Variants in DLG2 observed in about 807,000 individuals in gnomAD.
DLG2 encodes the protein disks large homolog 2.
A neutral mutation model predicts 132.5 loss-of-function variants in DLG2; 45 were observed. The ratio of observed to expected loss-of-function variants is 0.34; its 90% CI spans 0.27 to 0.44. The LOEUF (loss-of-function observed/expected upper bound fraction) is 0.44, where lower values mean the gene tolerates loss of function less well. Among genes scored for constraint, DLG2 ranks in the 20% least tolerant of loss-of-function variants. The probability of loss-of-function intolerance (pLI) is 1.00; values close to 1 mark genes in which losing one functional copy is unlikely to be tolerated. For synonymous variants in DLG2, 424 were observed against 419.6 expected (o/e 1.01, Z -0.13); for missense variants, 1,045 against 1,196.9 (o/e 0.87, Z 1.87).
At chr11:84,029,423 G>A (rs945987985) in intron 11 of DLG2, among the ~76,000 whole-genome samples, 5 of 151,622 alleles carry the variant, frequency 3.3e-5, no homozygotes, top group Admixed American at 6.6e-5. Context: ...TTGCAGAAAT[G>A]AGAAAAAAAA....
chr11:83,994,301 G>T lies in DLG2; in HGVS notation c.920-13659C>A, dbSNP rs753096778. ...TTGTAGGAATATCTCATTCCCCCAC[G>T]TTGGATAGTTACCACTTTGAAGGTG... On this transcript the variant is annotated intron_variant, in intron 11 of 27. Transcript: ENST00000376104. 1.6e-4 allele frequency among the ~76,000 whole-genome samples: 25 copies of T among 152,136 alleles called. 1 individual carries two copies. The highest frequency in any genetic ancestry group is 5.9e-5 in the Non-Finnish European group (4 of 68,024).
chr11:84,975,121 G>T (rs1389633636), intron 6 of DLG2, among the ~76,000 whole-genome samples: 20 of 152,110 alleles, frequency 1.3e-4, no homozygotes, highest in Admixed American at 1.1e-3. Flanking sequence ...AAGGAGGAGG[G>T]GTGGGGATGA....
chr11:84,700,951 C>T (rs889218153), intron 6 of DLG2, among the ~76,000 whole-genome samples: 4 of 151,480 alleles, frequency 2.6e-5, no homozygotes, highest in African/African-American at 7.3e-5. Context: ...ACATATGTAC[C>T]GGTCCTTGAT....
intron 2 of DLG2, among the ~76,000 whole-genome samples, chr11:85,602,521 G>A (rs1390960570): frequency 1.3e-5 from 2 of 152,026 alleles, no homozygotes; most frequent in Non-Finnish European, 1.5e-5. Flanking sequence ...AGCCTCCCAG[G>A]CTCAAGTGAT....
intron 3 of DLG2, among the ~76,000 whole-genome samples, chr11:85,347,876 A>C (rs1176035901): frequency 1.5e-5 from 2 of 129,508 alleles, no homozygotes; most frequent in African/African-American, 3.1e-5. Context: ...CAATCTCGGC[A>C]CATTGCAGCC....
chr11:83,466,718 C>G lies in DLG2; in HGVS notation c.2719G>C (p.Glu907Gln). Residue 907 changes from glutamate (E) to glutamine (Q), a missense_variant, in exon 26 of 28, where the codon GAA becomes CAA. Glu to Gln is a conservative substitution (Grantham distance 29). Coordinates refer to ENST00000376104, the MANE Select transcript of DLG2 (RefSeq NM_001142699.3). ...IAIFIKPRSL[E>Q]PLMEMNKRLT... ...ATGCCCTCTACTCACATAAGAGGTT[C>G]CAGAGACCTGGGTTTTATGAAGATG... 1.2e-6 allele frequency: 2 copies of G among 1,608,658 alleles called. No homozygotes were observed. The highest frequency in any genetic ancestry group is 1.7e-6 in the Non-Finnish European group (2 of 1,175,120).
At chr11:85,588,181 G>A (rs1317842828) in intron 3 of DLG2, among the ~76,000 whole-genome samples, 2 of 152,122 alleles carry the variant, frequency 1.3e-5, no homozygotes, top group African/African-American at 2.4e-5. Flanking sequence ...ATGTGACTGG[G>A]TAATGATCTT....
intron 16 of DLG2, among the ~76,000 whole-genome samples, chr11:83,846,505 T>G (rs1279136474): frequency 6.6e-6 from 1 of 152,208 alleles, no homozygotes; most frequent in African/African-American, 2.4e-5. Context: ...TTAATAATTC[T>G]AAAGGTCTCT....
chr11:84,040,542 A>G (rs1280214093), intron 11 of DLG2, among the ~76,000 whole-genome samples: 1 of 151,874 alleles, frequency 6.6e-6, no homozygotes, highest in Non-Finnish European at 1.5e-5. Context: ...GATATGCGGC[A>G]TTATTTCTGA....
intron 18 of DLG2, among the ~76,000 whole-genome samples, chr11:83,717,256 C>T (rs2086930560): frequency 6.6e-6 from 1 of 152,202 alleles, no homozygotes; most frequent in Admixed American, 6.5e-5. Context: ...AAAAGCAACA[C>T]TCTGCAAGTT....
chr11:84,283,592 G>A (rs1053086603), intron 7 of DLG2, among the ~76,000 whole-genome samples: 2 of 152,170 alleles, frequency 1.3e-5, no homozygotes, highest in African/African-American at 4.8e-5. Flanking sequence ...TAAGGTAATT[G>A]TAGATTCACC....
intron 18 of DLG2, among the ~76,000 whole-genome samples, chr11:83,743,736 G>A (rs1201634210): frequency 1.3e-5 from 2 of 151,976 alleles, no homozygotes; most frequent in Non-Finnish European, 2.9e-5. Context: ...TCCTAGCCAT[G>A]GACAGGCTAC....
intron 4 of DLG2, among the ~76,000 whole-genome samples, chr11:85,241,975 AC>A (rs1220096127): frequency 6.6e-6 from 1 of 151,968 alleles, no homozygotes; most frequent in Non-Finnish European, 1.5e-5. Flanking sequence ...CCTAACTCAA[AC>A]ACATCCTGAA....
At chr11:85,589,066 G>A (rs1045079822) in intron 3 of DLG2, among the ~76,000 whole-genome samples, 1 of 152,200 alleles carries the variant, frequency 6.6e-6, no homozygotes, top group Admixed American at 6.5e-5. Context: ...CTGCCCTGTT[G>A]GAGGTGGCAG....
chr11:84,671,939 G>A (rs530193865), intron 6 of DLG2, among the ~76,000 whole-genome samples: 2 of 152,098 alleles, frequency 1.3e-5, no homozygotes, highest in African/African-American at 4.8e-5. Flanking sequence ...TGGATGGAAG[G>A]CAAGCTTCAG....
At chr11:84,632,961 CTT>C (rs2099634579) in intron 6 of DLG2, among the ~76,000 whole-genome samples, 1 of 152,178 alleles carries the variant, frequency 6.6e-6, no homozygotes, top group Non-Finnish European at 1.5e-5. Flanking sequence ...CTATGAATGA[CTT>C]TGAGCAATTC....
intron 7 of DLG2, among the ~76,000 whole-genome samples, chr11:84,513,956 T>C (rs2099264756): frequency 6.6e-6 from 1 of 152,036 alleles, no homozygotes; most frequent in Admixed American, 6.6e-5. Flanking sequence ...CAAGGGATTA[T>C]AGCCATAATA....
At chr11:83,571,056 A>G (rs2096787511) in intron 19 of DLG2, among the ~76,000 whole-genome samples, 1 of 151,864 alleles carries the variant, frequency 6.6e-6, no homozygotes, top group South Asian at 2.1e-4. Flanking sequence ...CTAATTTTGT[A>G]TTTTTAGTAG....
At chr11:84,546,681 C>A (rs1469470274) in intron 6 of DLG2, 3 of 528,996 alleles carry the variant, frequency 5.7e-6, no homozygotes, top group Non-Finnish European at 7.3e-6. Context: ...CCCAAAGGCC[C>A]TGGAGCAATT....
Sources: gnomAD v4.1 joint callset for allele counts (sites outside exome capture counted in the v4.1 genomes callset) on GRCh38, gnomAD v4.1.1 for gene constraint, MANE v1.5 for transcripts, NCBI Gene and HGNC (gene_info 2026-07-23, HGNC 2026-07-21) for gene names.